Variants in ACOXL observed in about 807,000 individuals in gnomAD.
ACOXL encodes acyl-coenzyme A oxidase-like protein.
ACOXL carries 70 observed loss-of-function variants against 71.9 expected under a neutral mutation model. The observed-to-expected ratio is 0.97, with a 90% confidence interval of 0.80 to 1.19. ACOXL has a LOEUF of 1.19. Among genes scored for constraint, ACOXL ranks in the 50% most tolerant of loss-of-function variants. ACOXL has a pLI of 0.00. For missense variants in ACOXL, 703 were observed against 736.3 expected (o/e 0.95, Z 0.52); for synonymous variants, 253 against 281.6 (o/e 0.90, Z 1.02).
chr2:110,736,867 G>T (rs778226573), intron 1 of ACOXL, among the ~76,000 whole-genome samples: 1 of 152,050 alleles, frequency 6.6e-6, no homozygotes, highest in Admixed American at 6.6e-5. Context: ...TGATCTGCCC[G>T]CCTCGGCCTC....
chr2:110,770,895 C>T (rs547025333), intron 2 of ACOXL, among the ~76,000 whole-genome samples: 15 of 152,328 alleles, frequency 9.8e-5, no homozygotes, highest in African/African-American at 3.6e-4. Flanking sequence ...CTAATTGCAG[C>T]CCGACCCGCT....
chr2:111,026,051 T>C (rs906414552), intron 14 of ACOXL, among the ~76,000 whole-genome samples: 1 of 152,220 alleles, frequency 6.6e-6, no homozygotes, highest in African/African-American at 2.4e-5. Context: ...GGTACCTTTG[T>C]AGAAAATCAG....
intron 1 of ACOXL, among the ~76,000 whole-genome samples, chr2:110,754,349 G>A (rs916893935): frequency 3.9e-5 from 6 of 152,016 alleles, no homozygotes; most frequent in African/African-American, 1.2e-4. Context: ...TGAGATTACA[G>A]GTGTGAGCCA....
intron 11 of ACOXL, among the ~76,000 whole-genome samples, chr2:110,927,031 A>G (rs1264037633): frequency 1.3e-5 from 2 of 152,210 alleles, no homozygotes; most frequent in East Asian, 1.9e-4. Flanking sequence ...TAATTGACTC[A>G]TAGTTCCACA....
chr2:110,755,471 A>G (rs1238166301), intron 1 of ACOXL, among the ~76,000 whole-genome samples: 1 of 152,230 alleles, frequency 6.6e-6, no homozygotes, highest in Admixed American at 6.5e-5. Context: ...TTGAAGACAG[A>G]AAATACACAA....
At chr2:110,856,224 C>CCCA (rs2148955587) in intron 10 of ACOXL, among the ~76,000 whole-genome samples, 1 of 152,230 alleles carries the variant, frequency 6.6e-6, no homozygotes, top group South Asian at 2.1e-4. Flanking sequence ...CCCACTCGAC[C>CCCA]CAGGAAATCC....
At chr2:110,869,968 T>A (rs972040995) in intron 10 of ACOXL, among the ~76,000 whole-genome samples, 1 of 152,270 alleles carries the variant, frequency 6.6e-6, no homozygotes, top group Non-Finnish European at 1.5e-5. Context: ...AAGTGGCTTG[T>A]AATGGATTCA....
chr2:110,769,145 A>T (rs1158492532), intron 2 of ACOXL, among the ~76,000 whole-genome samples: 2 of 152,102 alleles, frequency 1.3e-5, no homozygotes, highest in African/African-American at 4.8e-5. Context: ...CTTTAGACTT[A>T]TCCAAAGTTT....
At chr2:110,912,032 A>G (rs972097245) in intron 11 of ACOXL, among the ~76,000 whole-genome samples, 2 of 152,116 alleles carry the variant, frequency 1.3e-5, no homozygotes, top group Admixed American at 6.5e-5. Flanking sequence ...AACAAATAAA[A>G]ATCAATTGTA....
chr2:111,029,317 T>C (rs995652879), intron 14 of ACOXL, among the ~76,000 whole-genome samples: 3 of 152,244 alleles, frequency 2.0e-5, no homozygotes, highest in African/African-American at 7.2e-5. Flanking sequence ...CAATATTGTT[T>C]GTGCAATACA....
intron 10 of ACOXL, among the ~76,000 whole-genome samples, chr2:110,871,406 C>T (rs929631098): frequency 6.6e-6 from 1 of 152,050 alleles, no homozygotes; most frequent in Non-Finnish European, 1.5e-5. Context: ...GCATTAGCCA[C>T]TGGTCCCAGC....
At chr2:110,865,236 A>T (rs1694421410) in intron 10 of ACOXL, among the ~76,000 whole-genome samples, 1 of 152,180 alleles carries the variant, frequency 6.6e-6, no homozygotes, top group African/African-American at 2.4e-5. Flanking sequence ...GAAGGAAGAG[A>T]TGGACCCCTT....
chr2:110,914,009 G>A (rs1280065866), intron 11 of ACOXL, among the ~76,000 whole-genome samples: 1 of 152,096 alleles, frequency 6.6e-6, no homozygotes, highest in African/African-American at 2.4e-5. Context: ...AGGAGAAAAT[G>A]AGGAGTGATT....
intron 2 of ACOXL, among the ~76,000 whole-genome samples, chr2:110,778,547 C>G (rs2105101795): frequency 6.6e-6 from 1 of 152,298 alleles, no homozygotes; most frequent in Admixed American, 6.5e-5. Context: ...GAACAGGGTT[C>G]ATGACTGGCT....
At chr2:110,934,266 T>G (rs1397678407) in intron 12 of ACOXL, among the ~76,000 whole-genome samples, 1 of 152,084 alleles carries the variant, frequency 6.6e-6, no homozygotes, top group Non-Finnish European at 1.5e-5. Flanking sequence ...TGAACCCAAG[T>G]TGGGTGTCTG....
At chr2:111,003,563 A>AAAAAG (rs2063738547) in intron 14 of ACOXL, among the ~76,000 whole-genome samples, 1 of 147,234 alleles carries the variant, frequency 6.8e-6, no homozygotes, top group African/African-American at 2.5e-5. Flanking sequence ...AAAAAAAAAA[A>AAAAAG]AAAAAAAAAA....
At chr2:110,804,680 A>G (rs1010727079) in intron 8 of ACOXL, among the ~76,000 whole-genome samples, 1 of 152,242 alleles carries the variant, frequency 6.6e-6, no homozygotes, top group Non-Finnish European at 1.5e-5. Context: ...AACACGTGCT[A>G]CAACACAGGT....
intron 12 of ACOXL, among the ~76,000 whole-genome samples, chr2:110,952,153 T>C (rs1437540091): frequency 2.6e-5 from 4 of 152,230 alleles, no homozygotes; most frequent in Non-Finnish European, 2.9e-5. Flanking sequence ...TGGTTTTGTT[T>C]CTTTCCTTGA....
intron 16 of ACOXL, among the ~76,000 whole-genome samples, chr2:111,073,730 T>A (rs1389868612): frequency 6.6e-6 from 1 of 152,216 alleles, no homozygotes; most frequent in African/African-American, 2.4e-5. Context: ...CAAATTGTTT[T>A]AGTGATTCTA....
Sources: gnomAD v4.1 joint callset for allele counts (sites outside exome capture counted in the v4.1 genomes callset) on GRCh38, gnomAD v4.1.1 for gene constraint, MANE v1.5 for transcripts, NCBI Gene and HGNC (gene_info 2026-07-23, HGNC 2026-07-21) for gene names.